Variants in LRBA observed in about 807,000 individuals in gnomAD.
LRBA encodes the protein LPS responsive beige-like anchor protein.
LRBA carries 176 observed loss-of-function variants against 330.0 expected under a neutral mutation model. The ratio of observed to expected loss-of-function variants is 0.53; its 90% CI spans 0.47 to 0.60. LRBA has a LOEUF of 0.60. Ranked by LOEUF, LRBA falls within the 20% of genes least tolerant of loss-of-function variation. LRBA has a pLI of 0.00. For synonymous variants in LRBA, 1,230 were observed against 1,193.0 expected, an observed-to-expected ratio of 1.03 and a Z score of -0.64; for missense variants, 3,259 against 3,444.8, an observed-to-expected ratio of 0.95 and a Z score of 1.35.
At chr4:150,441,609 A>T (rs902575149) in intron 44 of LRBA, among the ~76,000 whole-genome samples, 29 of 152,176 alleles carry the variant, frequency 1.9e-4, no homozygotes, top group African/African-American at 6.7e-4. Flanking sequence ...TACCACCTCC[A>T]GCTTACATTT....
chr4:150,391,341 C>T (rs1466397562), intron 47 of LRBA, among the ~76,000 whole-genome samples: 1 of 152,134 alleles, frequency 6.6e-6, no homozygotes, highest in East Asian at 1.9e-4. Context: ...CTTTCCATGT[C>T]CATTTAACCA....
intron 55 of LRBA, among the ~76,000 whole-genome samples, chr4:150,279,797 A>ACTC (rs900862688): frequency 1.3e-5 from 2 of 152,082 alleles, no homozygotes; most frequent in African/African-American, 4.8e-5. Context: ...CTTTTCCCCC[A>ACTC]CTCATTTCAC....
intron 37 of LRBA, among the ~76,000 whole-genome samples, chr4:150,638,376 T>G (rs1778144338): frequency 6.6e-6 from 1 of 152,214 alleles, no homozygotes; most frequent in Non-Finnish European, 1.5e-5. Flanking sequence ...CAGTAAAGCT[T>G]TATAGTTTTC....
chr4:150,844,837 A>G, intron 26 of LRBA, 58 bp from the exon 27 acceptor site: 1 of 1,429,302 alleles, frequency 7.0e-7, no homozygotes, highest in South Asian at 1.2e-5. Context: ...AAGATTATGG[A>G]AGTGAAAAAC....
intron 28 of LRBA, among the ~76,000 whole-genome samples, chr4:150,839,905 T>C (rs1748800826): frequency 2.0e-5 from 3 of 152,196 alleles, no homozygotes; most frequent in South Asian, 4.1e-4. Flanking sequence ...AAAGGTGTTT[T>C]GTCCACATTG....
At chr4:150,690,890 G>A (rs1352710583) in intron 36 of LRBA, among the ~76,000 whole-genome samples, 4 of 148,174 alleles carry the variant, frequency 2.7e-5, no homozygotes, top group Non-Finnish European at 6.0e-5. Context: ...TTTAAAAACT[G>A]ACAAAATAAA....
At chr4:150,438,206 G>C (rs1751374168) in intron 44 of LRBA, among the ~76,000 whole-genome samples, 1 of 152,176 alleles carries the variant, frequency 6.6e-6, no homozygotes, top group Non-Finnish European at 1.5e-5. Flanking sequence ...ACAGAGGCCA[G>C]GTGCAGTGGT....
At chr4:150,519,946 AT>A (rs1762747253) in intron 40 of LRBA, among the ~76,000 whole-genome samples, 1 of 152,066 alleles carries the variant, frequency 6.6e-6, no homozygotes, top group Non-Finnish European at 1.5e-5. Context: ...TGTGCTGAAC[AT>A]TTTTTCAGGT....
chr4:150,417,667 A>G (rs1747973464), intron 46 of LRBA, among the ~76,000 whole-genome samples: 1 of 152,196 alleles, frequency 6.6e-6, no homozygotes, highest in African/African-American at 2.4e-5. Context: ...ATTATAATGG[A>G]TGAATTTTAA....
chr4:150,313,838 A>ATG (rs1212565343), intron 51 of LRBA, among the ~76,000 whole-genome samples: 2 of 121,952 alleles, frequency 1.6e-5, no homozygotes, highest in East Asian at 2.7e-4. Context: ...AATATATATA[A>ATG]TGTATATATA....
chr4:150,496,008 C>T (rs535366210), intron 40 of LRBA, among the ~76,000 whole-genome samples: 35 of 151,940 alleles, frequency 2.3e-4, no homozygotes, highest in African/African-American at 8.2e-4. Context: ...AATGTTGAGA[C>T]AGTGTGTTAG....
At position 150,865,951 on chromosome 4, in the gene LRBA, G is replaced by A. The variant is rs552725668; in HGVS notation, c.2766+1720C>T. Reference sequence around the variant, plus strand: ...GGCTAGTCTCCAACTTTTGACCTCAGGTGATCCACCCGCCTTGGCCTCCCA... The same window carrying A: ...GGCTAGTCTCCAACTTTTGACCTCAAGTGATCCACCCGCCTTGGCCTCCCA... On this transcript the variant is annotated intron_variant, in intron 22 of 56. Transcript: ENST00000651943. Among the ~76,000 whole-genome samples, 6 of 152,138 alleles carry A rather than the reference G, an allele frequency of 3.9e-5. No individual in the cohort carries two copies. The East Asian group carries it at 7.7e-4, about 20-fold the overall frequency.
chr4:150,817,037 C>CCT, intron 31 of LRBA, 87 bp downstream of exon 31: 1 of 1,215,366 alleles, frequency 8.2e-7, no homozygotes, highest in Non-Finnish European at 1.2e-6. Context: ...TAATGTGCCC[C>CCT]CAAATTTTAA....
At chr4:150,805,416 G>GGGAAA (rs143391822) in intron 33 of LRBA, among the ~76,000 whole-genome samples, 36 of 96,064 alleles carry the variant, frequency 3.7e-4, no homozygotes, top group African/African-American at 1.0e-3. Context: ...AGGAAAGGAA[G>GGGAAA]GGAAAGGAAA....
intron 40 of LRBA, among the ~76,000 whole-genome samples, chr4:150,530,344 C>A (rs956990631): frequency 6.6e-6 from 1 of 152,126 alleles, no homozygotes; most frequent in Admixed American, 6.5e-5. Flanking sequence ...CACTCAGATA[C>A]TCTGGATGCC....
At chr4:150,872,363 C>T (rs1380180871) in intron 18 of LRBA, among the ~76,000 whole-genome samples, 2 of 151,998 alleles carry the variant, frequency 1.3e-5, no homozygotes, top group Non-Finnish European at 2.9e-5. Flanking sequence ...ACAGATAAAG[C>T]AAAAATGGTG....
At chr4:150,803,073 A>ATATATATAT (rs1553964864) in intron 33 of LRBA, among the ~76,000 whole-genome samples, 2 of 33,670 alleles carry the variant, frequency 5.9e-5, no homozygotes, top group African/African-American at 1.1e-4. Flanking sequence ...AAACAAAAAA[A>ATATATATAT]AAATATATAT....
intron 47 of LRBA, among the ~76,000 whole-genome samples, chr4:150,361,264 T>G (rs1443649346): frequency 6.6e-6 from 1 of 152,200 alleles, no homozygotes; most frequent in Non-Finnish European, 1.5e-5. Context: ...AATGATTAGT[T>G]AATAGGGTCA....
intron 2 of LRBA, among the ~76,000 whole-genome samples, chr4:150,931,711 G>A (rs1443693648): frequency 6.6e-6 from 1 of 151,678 alleles, no homozygotes; most frequent in Non-Finnish European, 1.5e-5. Context: ...AGACTAAAGT[G>A]AGATCACACC....
Sources: allele counts gnomAD v4.1 joint callset (sites outside exome capture counted in the v4.1 genomes callset), GRCh38; gene constraint gnomAD v4.1.1; transcripts MANE v1.5; gene names NCBI Gene and HGNC (gene_info 2026-07-23, HGNC 2026-07-21).